The following FER1L5 variants were observed in gnomAD, a reference collection of about 807,000 sequenced individuals.
FER1L5 encodes fer-1-like protein 5.
In FER1L5, 187 loss-of-function variants were observed where a neutral mutation model predicts 279.9. That is an observed-to-expected ratio of 0.67 (90% CI 0.59 to 0.75). FER1L5 has a LOEUF of 0.75. Ranked by LOEUF, FER1L5 falls within the 30% of genes least tolerant of loss-of-function variation. The pLI is 0.00. For synonymous variants in FER1L5, 921 were observed against 989.7 expected (o/e 0.93, Z 1.30); for missense variants, 2,091 against 2,594.4 (o/e 0.81, Z 4.21).
In FER1L5 at chr2:96,698,317, C is replaced by T. The variant is rs896640652; in HGVS notation, c.4356+161C>T. ...GCAGAGATTCGCCTCCACAGGAACT[C>T]GGGGAGCGCTCCCCTTCCCCTCCCC... On this transcript the variant is annotated intron_variant, in intron 40 of 52. Coordinates refer to ENST00000624922, the MANE Select transcript of FER1L5 (RefSeq NM_001293083.2). This position sits in a 1 kb window ranked among gnomAD's most constrained non-coding sequence, Gnocchi z 5.5. 6.6e-6 allele frequency among the ~76,000 whole-genome samples: 1 copy of T among 152,156 alleles called. No homozygotes were observed. Among genetic ancestry groups the T allele is most frequent in the Admixed American group, 6.5e-5 (1 of 15,276 alleles).
rs774153515 is a variant in FER1L5, at chr2:96,700,348, T to C, written c.4947T>C (p.Thr1649=). The C allele has an allele frequency of 6.2e-7, 1 of 1,613,424 alleles. No homozygotes were observed. The highest frequency in any genetic ancestry group is 1.1e-5 in the South Asian group (1 of 91,078). Residue 1649 remains threonine (T), a synonymous_variant, in exon 45 of 53, where the codon ACT becomes ACC. Transcript: ENST00000624922. ...CCAATCCAGAGCCCAAAACCCCTACTGTTCATGGTTTGGGACCCAAGAAGG... is the reference window on the plus strand; with the variant it reads ...CCAATCCAGAGCCCAAAACCCCTACCGTTCATGGTTTGGGACCCAAGAAGG... The part of the protein sequence containing the change: ...KLQSFEPKTP[T]VHGLGPKKER...
At chr2:96,647,194 C>G in intron 3 of FER1L5, 39 bp downstream of exon 3, 1 of 1,532,614 alleles carries the variant, frequency 6.5e-7, no homozygotes, top group Non-Finnish European at 8.8e-7. Flanking sequence ...AGCTCCTGAC[C>G]AACGCAGCAG....
chr2:96,647,864 A>G lies in FER1L5; in HGVS notation c.317A>G (p.Asn106Ser), dbSNP rs1286018872. The G allele has an allele frequency of 6.4e-7, 1 of 1,551,790 alleles. No homozygotes were observed. Among genetic ancestry groups the G allele is most frequent in the South Asian group, 1.2e-5 (1 of 84,066 alleles). ...TTTGTGAAGGACTTGACCCTGCTCA[A>G]CCATTCCATGAAGCCCACAGATGTG... ...VLFVKDLTLL[N>S]HSMKPTDCTV... is the part of the protein sequence containing the mutation. Residue 106 changes from asparagine to serine, a missense_variant, in exon 4 of 53, where the codon AAC (asparagine) becomes AGC (serine). By Grantham distance (46) the Asn-to-Ser change is conservative. Coordinates refer to ENST00000624922, the MANE Select transcript of FER1L5 (RefSeq NM_001293083.2).
chr2:96,662,765 C>T (rs2075999137), intron 13 of FER1L5, among the ~76,000 whole-genome samples: 1 of 152,106 alleles, frequency 6.6e-6, no homozygotes, highest in African/African-American at 2.4e-5. Context: ...GCAAGCAAGT[C>T]GTTAAATCCA....
intron 9 of FER1L5, among the ~76,000 whole-genome samples, chr2:96,658,398 C>T (rs1043706234): frequency 6.7e-6 from 1 of 150,316 alleles, no homozygotes; most frequent in Non-Finnish European, 1.5e-5. Context: ...CTCACTGCAG[C>T]CTCTGCCTCC....
At chr2:96,699,159 A>T in intron 42 of FER1L5, 23 bp downstream of exon 42, 2 of 1,586,494 alleles carry the variant, frequency 1.3e-6, no homozygotes, top group Non-Finnish European at 1.7e-6. Flanking sequence ...AACCCCCAAG[A>T]CCCCTTCTCC....
At chr2:96,672,078 A>G (rs898481236) in intron 18 of FER1L5, among the ~76,000 whole-genome samples, 2 of 152,130 alleles carry the variant, frequency 1.3e-5, no homozygotes, top group Admixed American at 1.3e-4. Context: ...CTAAAAAAAA[A>G]GTAAAAAAAT....
intron 43 of FER1L5, 64 bp from the exon 44 acceptor site, chr2:96,699,868 C>G: frequency 2.5e-6 from 4 of 1,592,902 alleles, no homozygotes; most frequent in Non-Finnish European, 3.4e-6. Flanking sequence ...GGTCAACCTG[C>G]AGCTCACAGC....
Position 96,663,524 on chromosome 2 carries a change from A to G in FER1L5, c.1140+17A>G. ...CGGATTCAGGTATGGCTCCTCCATC[A>G]TGCCCACCCTTCTCCCACATCCCCT... On this transcript the variant is annotated intron_variant, in intron 14 of 52. Coordinates refer to ENST00000624922, the MANE Select transcript of FER1L5 (RefSeq NM_001293083.2). The G allele has an allele frequency of 6.4e-7, 1 of 1,551,098 alleles. No homozygotes were observed. Among genetic ancestry groups the G allele is most frequent in the Non-Finnish European group, 8.7e-7 (1 of 1,146,490 alleles).
rs368542157 is a variant in FER1L5, at chr2:96,660,386, T to G, written c.778+15T>G. 6.4e-7 allele frequency: 1 copy of G among 1,551,518 alleles called. No homozygotes were observed. Among genetic ancestry groups the G allele is most frequent in the African/African-American group, 1.4e-5 (1 of 73,170 alleles). ...CCATTCTCCAGGTAGGTAATACTTA[T>G]GGCAAATATGTATGTCTTCTGAGAA... On this transcript the variant is annotated intron_variant, in intron 10 of 52. Coordinates refer to ENST00000624922, the MANE Select transcript of FER1L5 (RefSeq NM_001293083.2).
chr2:96,694,307 G>T lies in FER1L5; in HGVS notation c.3637-53G>T, dbSNP rs2077277191. The T allele has an allele frequency of 1.4e-6, 2 of 1,469,900 alleles. No homozygotes were observed. The highest frequency in any genetic ancestry group is 9.1e-7 in the Non-Finnish European group (1 of 1,094,080). 91.1% of individuals were successfully genotyped at this position (1,469,900 alleles called of 1,614,324 possible). On this transcript the variant is annotated intron_variant, in intron 33 of 52. Coordinates refer to ENST00000624922, the MANE Select transcript of FER1L5 (RefSeq NM_001293083.2). This position sits in a 1 kb window ranked among gnomAD's most constrained non-coding sequence, Gnocchi z 4.6. ...TCTGAGGGACCTGCTTGAGGTGAGG[G>T]TGAGGGCAGCAGGACCAGCCCAGAG...
chr2:96,643,126 T>C (rs774508832), intron 1 of FER1L5, among the ~76,000 whole-genome samples: 10 of 152,098 alleles, frequency 6.6e-5, no homozygotes, highest in South Asian at 2.1e-4. Flanking sequence ...AGGGAATGGC[T>C]ATGGAAAAAA....
At chr2:96,647,247 T>C (rs1038042453) in intron 3 of FER1L5, 92 bp downstream of exon 3, 1 of 1,353,812 alleles carries the variant, frequency 7.4e-7, no homozygotes, top group Admixed American at 2.1e-5. Flanking sequence ...CTCACTCAGA[T>C]GAAGGAATGG....
chr2:96,674,577 C>T (rs1029268486), intron 19 of FER1L5, among the ~76,000 whole-genome samples: 3 of 152,080 alleles, frequency 2.0e-5, no homozygotes, highest in African/African-American at 4.8e-5. Context: ...ATATATGGAA[C>T]ATATAATATG....
chr2:96,671,829 G>A (rs555388335), intron 18 of FER1L5, among the ~76,000 whole-genome samples: 1 of 152,324 alleles, frequency 6.6e-6, no homozygotes, highest in South Asian at 2.1e-4. Flanking sequence ...CTTGAATGTG[G>A]CAGAGAGAAA....
intron 2 of FER1L5, 76 bp from the exon 3 acceptor site, chr2:96,646,988 C>T (rs2075159225): frequency 4.2e-6 from 6 of 1,437,994 alleles, no homozygotes; most frequent in East Asian, 5.0e-5. Context: ...CCGTTCCCCA[C>T]GTCTTTCCTC....
chr2:96,703,463 T>TA, intron 50 of FER1L5, 60 bp from the exon 51 acceptor site: 4 of 1,610,626 alleles, frequency 2.5e-6, no homozygotes, highest in Non-Finnish European at 3.4e-6. Context: ...GAAGAGGTCC[T>TA]AAAACTACCC....
At chr2:96,657,065 TTA>T (rs148662359) in intron 9 of FER1L5, among the ~76,000 whole-genome samples, 20 of 145,832 alleles carry the variant, frequency 1.4e-4, no homozygotes, top group Admixed American at 6.2e-4. Flanking sequence ...ATTTTTTAAT[TTA>T]TATATATATA....
chr2:96,704,164 ACCTGAAGGTTCTC>A, intron 51 of FER1L5, 38 bp from the exon 52 acceptor site: 2 of 1,602,754 alleles, frequency 1.2e-6, no homozygotes. Context: ...AGATTACTTG[ACCTGAAGGTTCTC>A]CCTGCCATTC....
Sources: allele counts gnomAD v4.1 joint callset (sites outside exome capture counted in the v4.1 genomes callset), GRCh38; gene constraint gnomAD v4.1.1; non-coding constraint Gnocchi (gnomAD v3.1); transcripts MANE v1.5; gene names NCBI Gene and HGNC (gene_info 2026-07-23, HGNC 2026-07-21).